The following WDFY2 variants were observed in gnomAD, a reference collection of about 807,000 sequenced individuals.
WDFY2 encodes the protein WD repeat and FYVE domain-containing protein 2.
A neutral mutation model predicts 56.4 loss-of-function variants in WDFY2; 36 were observed. That is an observed-to-expected ratio of 0.64 (90% CI 0.49 to 0.84). WDFY2 has a LOEUF of 0.84. WDFY2 is among the 40% of genes least tolerant of loss of function. The pLI is 0.00. For synonymous variants in WDFY2, 176 were observed against 183.7 expected (o/e 0.96, Z 0.34); for missense variants, 444 against 512.2 (o/e 0.87, Z 1.29).
intron 3 of WDFY2, among the ~76,000 whole-genome samples, chr13:51,689,706 G>A (rs1462419345): frequency 6.6e-6 from 1 of 152,064 alleles, no homozygotes; most frequent in African/African-American, 2.4e-5. Context: ...GTACCCTCTG[G>A]GTTCCTGGGT....
At chr13:51,714,686 C>T (rs1048662358) in intron 4 of WDFY2, among the ~76,000 whole-genome samples, 23 of 152,144 alleles carry the variant, frequency 1.5e-4, no homozygotes, top group Admixed American at 1.4e-3. Context: ...TATAAAGTTA[C>T]GTTGTGACAC....
chr13:51,668,462 T>G (rs1402559646), intron 2 of WDFY2, among the ~76,000 whole-genome samples: 1 of 152,214 alleles, frequency 6.6e-6, no homozygotes, highest in Non-Finnish European at 1.5e-5. Flanking sequence ...TGGATTTAGA[T>G]GTAAAATACT....
At chr13:51,650,895 C>T (rs1301455714) in intron 1 of WDFY2, among the ~76,000 whole-genome samples, 3 of 152,088 alleles carry the variant, frequency 2.0e-5, no homozygotes, top group African/African-American at 7.2e-5. Context: ...TGTGTCTCTG[C>T]CAGGCTTTGG....
rs1214094316 is a variant in WDFY2, at chr13:51,765,045, T to G, written c.*5276T>G. ...GATGATTCCAGTACAATGTGGGAGG[T>G]CCTCCTTACAGGGGCACTTGCAACA... On this transcript the variant is annotated 3_prime_UTR_variant, in exon 12 of 12. Transcript: ENST00000298125. 6.6e-6 allele frequency: 1 copy of G among 150,398 alleles called. No homozygotes were observed. Among genetic ancestry groups the G allele is most frequent in the Non-Finnish European group, 1.5e-5 (1 of 67,882 alleles). The allele number at this position is 150,398 out of a possible 1,614,324, so 9.3% of individuals were successfully genotyped here.
At chr13:51,677,352 AAAG>A (rs1955905551) in intron 3 of WDFY2, among the ~76,000 whole-genome samples, 2 of 152,312 alleles carry the variant, frequency 1.3e-5, no homozygotes, top group South Asian at 4.1e-4. Flanking sequence ...ATGGAATTAG[AAAG>A]AGTTCTATGT....
At chr13:51,703,766 C>T in intron 4 of WDFY2, 116 bp downstream of exon 4, 3 of 838,490 alleles carry the variant, frequency 3.6e-6, no homozygotes, top group Non-Finnish European at 5.5e-6. Flanking sequence ...ACAGAGCAAC[C>T]TTTTGAGTGA....
chr13:51,727,247 A>G (rs1393587990), intron 5 of WDFY2, among the ~76,000 whole-genome samples: 5 of 152,112 alleles, frequency 3.3e-5, no homozygotes, highest in Admixed American at 1.3e-4. Flanking sequence ...CTGTTAGTCT[A>G]TTTATGCACC....
intron 2 of WDFY2, among the ~76,000 whole-genome samples, chr13:51,670,523 AC>A (rs1176713100): frequency 6.6e-6 from 1 of 150,862 alleles, no homozygotes; most frequent in Non-Finnish European, 1.5e-5. Flanking sequence ...ACACACACAC[AC>A]ACACACACAC....
intron 2 of WDFY2, among the ~76,000 whole-genome samples, chr13:51,668,748 A>G (rs1955757474): frequency 6.6e-6 from 1 of 152,204 alleles, no homozygotes; most frequent in East Asian, 1.9e-4. Context: ...TTAGTTTTAA[A>G]GTTTGAACCA....
intron 3 of WDFY2, among the ~76,000 whole-genome samples, chr13:51,689,678 C>T (rs1312188022): frequency 3.3e-5 from 5 of 152,036 alleles, no homozygotes; most frequent in East Asian, 1.9e-4. Flanking sequence ...GGCATTTGAC[C>T]GGAGAGGAAA....
rs531142310 is a variant in WDFY2 at position 51,722,907 on chromosome 13, A to G, written c.485+3559A>G. 3.0e-4 allele frequency among the ~76,000 whole-genome samples: 45 copies of G among 152,334 alleles called. 1 individual carries two copies. In the South Asian group the frequency reaches 9.3e-3, roughly 32 times the overall value. ...TTTGTCAGTGTCTTGTTATTTGACC[A>G]TGTTTTGATAATATTTTTCCTGTTT... On this transcript the variant is annotated intron_variant, in intron 5 of 11. Transcript: ENST00000298125.
intron 7 of WDFY2, among the ~76,000 whole-genome samples, chr13:51,744,479 T>G (rs531844701): frequency 3.0e-4 from 45 of 152,344 alleles, no homozygotes; most frequent in African/African-American, 1.1e-3. Context: ...GGCCTCACAC[T>G]TGGTTTAATG....
At chr13:51,649,894 A>T (rs933195791) in intron 1 of WDFY2, among the ~76,000 whole-genome samples, 1 of 152,066 alleles carries the variant, frequency 6.6e-6, no homozygotes, top group East Asian at 1.9e-4. Flanking sequence ...TTGACTTGGC[A>T]ATGCGGGCTC....
Position 51,760,542 on chromosome 13 carries a change from C to T in WDFY2, c.*773C>T, listed in dbSNP as rs963067335. Reference sequence around the variant, plus strand: ...AACTCAGAGCTTCAACGATCAGTGCCTGGATCATTTAGAATTCAGTTGGAG... The same window carrying T: ...AACTCAGAGCTTCAACGATCAGTGCTTGGATCATTTAGAATTCAGTTGGAG... On this transcript the variant is annotated 3_prime_UTR_variant, in exon 12 of 12. Transcript: ENST00000298125. 3.3e-5 allele frequency: 5 copies of T among 152,114 alleles called. No individual in the cohort carries two copies. The highest frequency in any genetic ancestry group is 1.2e-4 in the African/African-American group (5 of 41,410). The allele number at this position is 152,114 out of a possible 1,614,324, so 9.4% of individuals were successfully genotyped here. A position where few individuals can be genotyped will look rare whatever the true frequency, so the allele number is the denominator to read the frequency against.
intron 1 of WDFY2, 37 bp from the exon 2 acceptor site, chr13:51,660,559 T>A (rs1955593366): frequency 6.3e-7 from 1 of 1,583,754 alleles, no homozygotes; most frequent in Non-Finnish European, 8.7e-7. Context: ...TGGCTAAGAA[T>A]AATGTGATTT....
intron 4 of WDFY2, among the ~76,000 whole-genome samples, chr13:51,704,051 T>G (rs1045810150): frequency 2.6e-5 from 4 of 152,242 alleles, no homozygotes; most frequent in East Asian, 1.9e-4. Context: ...TGTGGTTTTA[T>G]CATGTCTTCA....
chr13:51,656,216 T>G (rs138319031), intron 1 of WDFY2, among the ~76,000 whole-genome samples: 1,550 of 152,120 alleles, frequency 0.01, 9 homozygotes, highest in Middle Eastern at 0.017. Context: ...GAGTACTGCT[T>G]TCACAGCCCC....
At chr13:51,747,397 T>C (rs1953128004) in intron 7 of WDFY2, among the ~76,000 whole-genome samples, 1 of 152,210 alleles carries the variant, frequency 6.6e-6, no homozygotes, top group Non-Finnish European at 1.5e-5. Context: ...ATTTCTGAAA[T>C]ACTAATAAAA....
intron 1 of WDFY2, among the ~76,000 whole-genome samples, chr13:51,653,312 T>G (rs1439422663): frequency 1.3e-5 from 2 of 152,220 alleles, no homozygotes; most frequent in Non-Finnish European, 2.9e-5. Flanking sequence ...TCGTCTAATC[T>G]TTTTTCAAGG....
Sources: gnomAD v4.1 joint callset for allele counts (sites outside exome capture counted in the v4.1 genomes callset) on GRCh38, gnomAD v4.1.1 for gene constraint, MANE v1.5 for transcripts, NCBI Gene and HGNC (gene_info 2026-07-23, HGNC 2026-07-21) for gene names.